ADAMTS15: variants seen among roughly 807,000 people sequenced by gnomAD.
The protein encoded by ADAMTS15 is ADAM metallopeptidase with thrombospondin type 1 motif 15.
A neutral mutation model predicts 79.1 loss-of-function variants in ADAMTS15; 35 were observed. The ratio of observed to expected loss-of-function variants is 0.44; its 90% CI spans 0.34 to 0.59. ADAMTS15 has a LOEUF of 0.59. Ranked by LOEUF, ADAMTS15 falls within the 20% of genes least tolerant of loss-of-function variation. The pLI is 0.02. For missense variants in ADAMTS15, 1,324 were observed against 1,318.7 expected, an observed-to-expected ratio of 1.00 and a Z score of -0.06; for synonymous variants, 616 against 567.3, an observed-to-expected ratio of 1.09 and a Z score of -1.22.
In ADAMTS15 at chr11:130,449,658, T is replaced by G. The variant is rs1481370893; in HGVS notation, c.685T>G (p.Ser229Ala). 6.3e-7 allele frequency: 1 copy of G among 1,599,818 alleles called. No individual in the cohort carries two copies. Among genetic ancestry groups the G allele is most frequent in the Non-Finnish European group, 8.5e-7 (1 of 1,173,512 alleles). Residue 229 changes from serine to alanine, a missense_variant, in exon 1 of 8, where the codon TCA (serine) becomes GCA (alanine). Physicochemically the swap from Ser to Ala is moderately conservative, Grantham distance 99. Coordinates refer to ENST00000299164, the MANE Select transcript of ADAMTS15 (RefSeq NM_139055.4). This position sits in a 1 kb window ranked among gnomAD's most constrained non-coding sequence, Gnocchi z 7.8. ...GGAGACGCTGGTGGTCGCGGACGAG[T>G]CAATGGTCAAGTTCCACGGCGCGGA... ...YVETLVVADE[S>A]MVKFHGADLE...
Position 130,470,212 on chromosome 11 carries a change from A to ACATG in ADAMTS15, c.1721-708_1721-707insCATG, listed in dbSNP as rs1427990885. Among the ~76,000 whole-genome samples the ACATG allele has an allele frequency of 1.5e-3, 76 of 52,268 alleles. 1 individual carries two copies. The highest frequency in any genetic ancestry group is 2.0e-3 in the South Asian group (4 of 2,034). 34.3% of individuals were successfully genotyped at this position (52,268 alleles called of 152,430 possible). ...TATATATATATATATATATATATGT[A>ACATG]TATATATATATATTTTCTGAGGTAG... On this transcript the variant is annotated intron_variant, in intron 5 of 7. Coordinates refer to ENST00000299164, the MANE Select transcript of ADAMTS15 (RefSeq NM_139055.4).
At chr11:130,452,175 G>T (rs538758485) in intron 1 of ADAMTS15, among the ~76,000 whole-genome samples, 2 of 152,312 alleles carry the variant, frequency 1.3e-5, no homozygotes, top group East Asian at 3.9e-4. Flanking sequence ...GGGAGTAGCT[G>T]CCCTTTCTAA....
At chr11:130,466,074 T>C (rs1047465074) in intron 4 of ADAMTS15, among the ~76,000 whole-genome samples, 3 of 152,132 alleles carry the variant, frequency 2.0e-5, no homozygotes, top group African/African-American at 7.2e-5. Flanking sequence ...GGTTTCATCA[T>C]GTTGGTCAGG....
rs1367668205 is a variant in ADAMTS15 at position 130,470,184 on chromosome 11, GTGTATATA to G, written c.1721-734_1721-727del. On this transcript the variant is annotated intron_variant, in intron 5 of 7. Transcript: ENST00000299164. ...TATATATATATATATATATATATGTGTGTATATATATATATATATATATATGTATATAT... is the reference window on the plus strand; with the variant it reads ...TATATATATATATATATATATATGTGTATATATATATATATATGTATATAT... 1.4e-3 allele frequency among the ~76,000 whole-genome samples: 68 copies of G among 50,168 alleles called. 5 individuals are homozygous for G. The highest frequency in any genetic ancestry group is 6.2e-3 in the African/African-American group (62 of 9,922). The allele number at this position is 50,168 out of a possible 152,430, so 32.9% of individuals were successfully genotyped here. A position where few individuals can be genotyped will look rare whatever the true frequency, so the allele number is the denominator to read the frequency against.
At chr11:130,450,946 C>T (rs1937949837) in intron 1 of ADAMTS15, among the ~76,000 whole-genome samples, 1 of 152,186 alleles carries the variant, frequency 6.6e-6, no homozygotes, top group Non-Finnish European at 1.5e-5. Flanking sequence ...AAGATGGACC[C>T]AGCCCAGGAA....
chr11:130,460,474 G>C (rs150644010), intron 1 of ADAMTS15, among the ~76,000 whole-genome samples: 2 of 151,872 alleles, frequency 1.3e-5, no homozygotes, highest in African/African-American at 2.4e-5. Flanking sequence ...ATGGGGTTTC[G>C]CCATGTTGGC....
rs1938205093 is a variant in ADAMTS15 at position 130,461,815 on chromosome 11, C to A, written c.1090+194C>A. On this transcript the variant is annotated intron_variant, in intron 2 of 7. Coordinates refer to ENST00000299164, the MANE Select transcript of ADAMTS15 (RefSeq NM_139055.4). ...CTGGCCAATGACGTGGTTTGAGCCC[C>A]TTGGCAGAGTGTCTCAGCACTTAGG... Among the ~76,000 whole-genome samples the A allele has an allele frequency of 1.3e-5, 2 of 152,194 alleles. 1 individual carries two copies. The highest frequency in any genetic ancestry group is 4.1e-4 in the South Asian group (2 of 4,836).
At position 130,449,989 on chromosome 11, in the gene ADAMTS15, C is replaced by T. The variant is rs1177101772; in HGVS notation, c.957+59C>T. The stretch of plus-strand genomic sequence containing the variant: ...AGTCCCGTTCTTTAGGGTCACCTCC[C>T]CTAGCGCTCCAAATCCCCTTTGTAT... On this transcript the variant is annotated intron_variant, in intron 1 of 7. Transcript: ENST00000299164. This position sits in a 1 kb window ranked among gnomAD's most constrained non-coding sequence, Gnocchi z 7.8. 2 of 1,565,642 alleles carry T rather than the reference C, an allele frequency of 1.3e-6. No individual in the cohort carries two copies. The highest frequency in any genetic ancestry group is 1.7e-6 in the Non-Finnish European group (2 of 1,160,422).
Position 130,449,516 on chromosome 11 carries a change from C to T in ADAMTS15, c.543C>T (p.Asn181=), listed in dbSNP as rs753298353. The change falls in exon 1 of 8, where the codon AAC becomes AAT. Residue 181 remains asparagine, a synonymous_variant. Transcript: ENST00000299164. The surrounding 1 kb of genome is among the most constrained non-coding windows in gnomAD (Gnocchi z 7.8). ...GCTGCGGGGTGGCCTCGGGCTGGAA[C>T]CCCGCCATCCTACGGGCCCTGGACC... ...TSRCGVASGW[N]PAILRALDPY... 15 of 1,557,792 alleles carry T rather than the reference C, an allele frequency of 9.6e-6. No homozygotes were observed. The highest frequency in any genetic ancestry group is 2.3e-5 in the East Asian group (1 of 44,038).
At chr11:130,461,073 G>A (rs1173242374) in intron 1 of ADAMTS15, among the ~76,000 whole-genome samples, 1 of 152,226 alleles carries the variant, frequency 6.6e-6, no homozygotes, top group East Asian at 1.9e-4. Context: ...GCTCGAAGCT[G>A]CCTCTGGGTG....
At position 130,463,927 on chromosome 11, in the gene ADAMTS15, A is replaced by G. The variant is rs57255844; in HGVS notation, c.1542+1147A>G. On this transcript the variant is annotated intron_variant, in intron 4 of 7. Coordinates refer to ENST00000299164, the MANE Select transcript of ADAMTS15 (RefSeq NM_139055.4). Reference sequence around the variant, plus strand: ...GAGAACCAGGGTCAAGAGATTAATGATGATGAGAGGGGGCTGAGAAAACTT... The same window carrying G: ...GAGAACCAGGGTCAAGAGATTAATGGTGATGAGAGGGGGCTGAGAAAACTT... 6.5e-3 allele frequency among the ~76,000 whole-genome samples: 984 copies of G among 152,288 alleles called. 10 individuals carry two copies. Among genetic ancestry groups the G allele is most frequent in the African/African-American group, 0.021 (861 of 41,564 alleles).
At chr11:130,452,360 AG>A (rs1937982208) in intron 1 of ADAMTS15, among the ~76,000 whole-genome samples, 1 of 152,250 alleles carries the variant, frequency 6.6e-6, no homozygotes, top group Admixed American at 6.5e-5. Context: ...TCATAACAGC[AG>A]GGTGAGGTCA....
At position 130,473,171 on chromosome 11, in the gene ADAMTS15, T is replaced by C. The variant is rs1325700798; in HGVS notation, c.2203T>C (p.Tyr735His). Residue 735 changes from tyrosine to histidine, a missense_variant, in exon 8 of 8, where the codon TAC becomes CAC. Transcript: ENST00000299164. ...GGCTCTGAAGAACAGCCAAGGCAAG[T>C]ACCTGCTCAACGGGCATTTCGTGGT... ...YLALKNSQGK[Y>H]LLNGHFVVSA... The C allele has an allele frequency of 6.2e-7, 1 of 1,614,058 alleles. No individual in the cohort carries two copies. Among genetic ancestry groups the C allele is most frequent in the South Asian group, 1.1e-5 (1 of 91,076 alleles).
chr11:130,463,531 A>G (rs552093572), intron 4 of ADAMTS15, among the ~76,000 whole-genome samples: 2 of 152,220 alleles, frequency 1.3e-5, no homozygotes, highest in East Asian at 3.9e-4. Context: ...CCTGGAGCTG[A>G]CTGTCCCTTC....
intron 1 of ADAMTS15, among the ~76,000 whole-genome samples, chr11:130,458,563 C>T (rs973261669): frequency 6.6e-6 from 1 of 152,194 alleles, no homozygotes; most frequent in African/African-American, 2.4e-5. Flanking sequence ...TGCTCTGGGA[C>T]TGGGGAAGGA....
intron 1 of ADAMTS15, among the ~76,000 whole-genome samples, chr11:130,460,602 A>G (rs541499928): frequency 2.6e-5 from 4 of 152,322 alleles, no homozygotes; most frequent in Non-Finnish European, 5.9e-5. Context: ...TAAGAGGAGC[A>G]GAATGTACAC....
rs1258790698 is a variant in ADAMTS15 at position 130,449,316 on chromosome 11, G to T, written c.343G>T (p.Ala115Ser). ...GDVNAEPDSF[A>S]AVSLCGGLRG... ...CGTGAACGCCGAGCCGGACTCGTTC[G>T]CTGCTGTGAGCCTGTGCGGGGGGCT... Residue 115 changes from alanine (A) to serine (S), a missense_variant, in exon 1 of 8, where the codon GCT (alanine) becomes TCT (serine). By Grantham distance (99) the Ala-to-Ser change is moderately conservative. Transcript: ENST00000299164. This position sits in a 1 kb window ranked among gnomAD's most constrained non-coding sequence, Gnocchi z 7.8. 1.9e-6 allele frequency: 3 copies of T among 1,610,218 alleles called. No individual in the cohort carries two copies. In the African/African-American group the frequency reaches 4.0e-5, roughly 21 times the overall value.
intron 4 of ADAMTS15, among the ~76,000 whole-genome samples, chr11:130,466,448 C>T (rs11222110): frequency 0.35 from 53,175 of 152,072 alleles, 9,828 homozygotes; most frequent in Middle Eastern, 0.44. Context: ...CCTGAAGCTG[C>T]GCTGGCAACT....
At position 130,470,207 on chromosome 11, in the gene ADAMTS15, T is replaced by TAC. The variant is rs1565397941; in HGVS notation, c.1721-712_1721-711insCA. On this transcript the variant is annotated intron_variant, in intron 5 of 7. Transcript: ENST00000299164. ...GTGTGTATATATATATATATATATA[T>TAC]ATGTATATATATATATATTTTCTGA... 4.4e-3 allele frequency among the ~76,000 whole-genome samples: 264 copies of TAC among 60,114 alleles called. 7 individuals carry two copies. The highest frequency in any genetic ancestry group is 8.5e-3 in the Middle Eastern group (1 of 118). The allele number at this position is 60,114 out of a possible 152,430, so 39.4% of individuals were successfully genotyped here.
Sources: gnomAD v4.1 joint callset for allele counts (sites outside exome capture counted in the v4.1 genomes callset) on GRCh38, gnomAD v4.1.1 for gene constraint, Gnocchi (gnomAD v3.1) non-coding constraint, MANE v1.5 for transcripts, NCBI Gene and HGNC (gene_info 2026-07-23, HGNC 2026-07-21) for gene names.